The following SYTL2 variants were observed in gnomAD, a reference collection of about 807,000 sequenced individuals.
The protein encoded by SYTL2 is synaptotagmin-like protein 2.
A neutral mutation model predicts 198.7 loss-of-function variants in SYTL2; 165 were observed. The ratio of observed to expected loss-of-function variants is 0.83; its 90% CI spans 0.73 to 0.94. The LOEUF is 0.94. SYTL2 is among the 40% of genes least tolerant of loss of function. SYTL2 has a pLI of 0.00. For missense variants in SYTL2, 2,835 were observed against 2,582.8 expected (o/e 1.10, Z -2.12); for synonymous variants, 966 against 917.7 (o/e 1.05, Z -0.95).
chr11:85,737,974 T>C (rs1162866505), intron 4 of SYTL2, among the ~76,000 whole-genome samples: 1 of 152,176 alleles, frequency 6.6e-6, no homozygotes, highest in East Asian at 1.9e-4. Context: ...AGACTTCCTG[T>C]TCCAGTGGTC....
In SYTL2 at chr11:85,752,734, C is replaced by T. The variant is rs1050068816; in HGVS notation, c.102-4311G>A. 5.3e-5 allele frequency among the ~76,000 whole-genome samples: 8 copies of T among 151,872 alleles called. No homozygotes were observed. The South Asian group carries it at 6.3e-4, about 12-fold the overall frequency. ...AATCCTGCGGGGCACTTACCCTCTT[C>T]AACCCTATCTCCTCATCTGTTAAGT... On this transcript the variant is annotated intron_variant, in intron 2 of 19. Transcript: ENST00000359152.
chr11:85,746,861 G>C (rs1313160296), intron 3 of SYTL2, among the ~76,000 whole-genome samples: 4 of 152,156 alleles, frequency 2.6e-5, no homozygotes, highest in African/African-American at 9.7e-5. Flanking sequence ...TTGAAATCCT[G>C]GCTCTGCCAT....
the SYTL2 span, among the ~76,000 whole-genome samples, chr11:85,818,020 A>T: frequency 6.7e-6 from 1 of 149,022 alleles, no homozygotes; most frequent in Non-Finnish European, 1.5e-5. Flanking sequence ...TTCTTGGCTC[A>T]GCCTCCCAAG....
intron 1 of SYTL2, among the ~76,000 whole-genome samples, chr11:85,801,512 T>C (rs1416637841): frequency 6.6e-6 from 1 of 152,226 alleles, no homozygotes; most frequent in African/African-American, 2.4e-5. Context: ...TCTCTACAAG[T>C]ACCATTACCT....
chr11:85,779,381 C>G (rs918366267), intron 1 of SYTL2, among the ~76,000 whole-genome samples: 1 of 152,190 alleles, frequency 6.6e-6, no homozygotes, highest in Non-Finnish European at 1.5e-5. Context: ...CTTACACGGG[C>G]TATCTCCCCA....
chr11:85,828,775 A>G, the SYTL2 span, among the ~76,000 whole-genome samples: 3 of 152,210 alleles, frequency 2.0e-5, no homozygotes, highest in East Asian at 3.8e-4. Context: ...AGACTACATG[A>G]TTTGTCCATG....
In SYTL2 at chr11:85,695,163, G is replaced by C; in HGVS notation, c.*32C>G. ...AAGATCAGATTCCACCGGTTTAGTA[G>C]TTTTCAGTGGAGGAGCCAGTGGAAT... is the stretch of plus-strand genomic sequence containing the variant. On this transcript the variant is annotated 3_prime_UTR_variant, in exon 20 of 20. Coordinates refer to ENST00000359152, the MANE Select transcript of SYTL2 (RefSeq NM_206927.4). 6.3e-7 allele frequency: 1 copy of C among 1,597,296 alleles called. No homozygotes were observed. The highest frequency in any genetic ancestry group is 2.2e-5 in the East Asian group (1 of 44,666).
At chr11:85,803,184 C>G (rs1033673687) in intron 1 of SYTL2, among the ~76,000 whole-genome samples, 2 of 152,180 alleles carry the variant, frequency 1.3e-5, no homozygotes, top group Non-Finnish European at 2.9e-5. Flanking sequence ...CAAAAAGGTT[C>G]AAGAATGCAT....
At position 85,695,247 on chromosome 11, in the gene SYTL2, A is replaced by G. The variant is rs758999129; in HGVS notation, c.6668T>C (p.Ile2223Thr). ...EKMVNSPNTW[I>T]EATLPLRMLL... ...CATTCTGAGAGGCAGTGTTGCTTCA[A>G]TCCAAGTATTGGGGGAGTTTACCAT... Residue 2223 changes from isoleucine (I) to threonine (T), a missense_variant, in exon 20 of 20, where the codon ATT (isoleucine) becomes ACT (threonine). Transcript: ENST00000359152. 4 of 1,612,922 alleles carry G rather than the reference A, an allele frequency of 2.5e-6. No individual in the cohort carries two copies. Among genetic ancestry groups the G allele is most frequent in the South Asian group, 2.2e-5 (2 of 91,016 alleles).
rs371022566 is a variant in SYTL2 at position 85,709,386 on chromosome 11, C to T, written c.5860G>A (p.Val1954Met). 25 of 1,614,036 alleles carry T rather than the reference C, an allele frequency of 1.5e-5. No individual in the cohort carries two copies. The highest frequency in any genetic ancestry group is 1.9e-5 in the Non-Finnish European group (23 of 1,180,034). ...GCTGCTAAGTCCTTACACTGGGCCA[C>T]AAAAACATGCAACTCCTTCAGTGAC... ...VESLKELHVF[V>M]AQCKDLAAAD... Residue 1954 changes from valine (V) to methionine (M), a missense_variant, in exon 14 of 20, where the codon GTG (valine) becomes ATG (methionine). Around this residue, in one of 3 missense-constraint regions of SYTL2, gnomAD observed 2,645 missense variants for 2,381.7 expected, o/e 1.11. Transcript: ENST00000359152.
intron 1 of SYTL2, among the ~76,000 whole-genome samples, chr11:85,807,330 T>C (rs955160276): frequency 6.6e-5 from 10 of 152,246 alleles, no homozygotes; most frequent in African/African-American, 2.4e-4. Context: ...GTCCTACTAA[T>C]ACCAAGAGTT....
chr11:85,768,356 A>C (rs1037548367), intron 1 of SYTL2, among the ~76,000 whole-genome samples: 1 of 152,258 alleles, frequency 6.6e-6, no homozygotes, highest in Admixed American at 6.5e-5. Context: ...GAGTCAAAAG[A>C]TAATTGAAAG....
intron 1 of SYTL2, among the ~76,000 whole-genome samples, chr11:85,762,234 C>G (rs2092115063): frequency 6.6e-6 from 1 of 152,194 alleles, no homozygotes; most frequent in African/African-American, 2.4e-5. Context: ...AACCTCAGTG[C>G]TAAACTGTGA....
In SYTL2 at chr11:85,769,802, G is replaced by A. The variant is rs544343111; in HGVS notation, c.-389-11688C>T. 3.3e-5 allele frequency among the ~76,000 whole-genome samples: 5 copies of A among 152,276 alleles called. No homozygotes were observed. The East Asian group carries it at 7.7e-4, about 24-fold the overall frequency. ...AGTCCAGTAGCGGTGGGCTGGACAGGAGAACCACCAGTCCAGTGGCAGCAG... is the reference window on the plus strand; with the variant it reads ...AGTCCAGTAGCGGTGGGCTGGACAGAAGAACCACCAGTCCAGTGGCAGCAG... On this transcript the variant is annotated intron_variant, in intron 1 of 19. Transcript: ENST00000359152.
intron 1 of SYTL2, among the ~76,000 whole-genome samples, chr11:85,788,023 C>G (rs1267861143): frequency 1.3e-5 from 2 of 152,120 alleles, no homozygotes; most frequent in African/African-American, 2.4e-5. Flanking sequence ...GAGTAGTTAT[C>G]TGAGAAATAC....
At chr11:85,793,179 T>A (rs1365643638) in intron 1 of SYTL2, among the ~76,000 whole-genome samples, 1 of 151,534 alleles carries the variant, frequency 6.6e-6, no homozygotes, top group Non-Finnish European at 1.5e-5. Flanking sequence ...GTATTTCTAG[T>A]TCTAGATCCC....
intron 4 of SYTL2, among the ~76,000 whole-genome samples, chr11:85,740,433 C>T (rs568728254): frequency 6.6e-6 from 1 of 152,304 alleles, no homozygotes; most frequent in Admixed American, 6.5e-5. Flanking sequence ...ATTATTGCAG[C>T]ACATTTTATT....
At position 85,795,179 on chromosome 11, in the gene SYTL2, A is replaced by G. The variant is rs562440563; in HGVS notation, c.-390+15775T>C. Among the ~76,000 whole-genome samples the G allele has an allele frequency of 5.3e-5, 8 of 152,302 alleles. No homozygotes were observed. The East Asian group carries it at 1.2e-3, about 22-fold the overall frequency. ...AGCTGTAATACTTATATTAGCTAATATAAGTATTAGCTGTTATTATTACTA... is the reference window on the plus strand; with the variant it reads ...AGCTGTAATACTTATATTAGCTAATGTAAGTATTAGCTGTTATTATTACTA... On this transcript the variant is annotated intron_variant, in intron 1 of 19. Transcript: ENST00000359152.
At chr11:85,826,609 G>T in the SYTL2 span, among the ~76,000 whole-genome samples, 2 of 152,230 alleles carry the variant, frequency 1.3e-5, no homozygotes, top group Non-Finnish European at 2.9e-5. Context: ...GAGGACAAGG[G>T]GCTGGGGAGA....
Sources: gnomAD v4.1 joint callset for allele counts (sites outside exome capture counted in the v4.1 genomes callset) on GRCh38, gnomAD v4.1.1 for gene constraint, gnomAD v4.1.1 regional missense constraint, MANE v1.5 for transcripts, NCBI Gene and HGNC (gene_info 2026-07-23, HGNC 2026-07-21) for gene names.